SLC9A3: variants seen among roughly 807,000 people sequenced by gnomAD.
SLC9A3 encodes solute carrier family 9 member A3.
SLC9A3 carries 37 observed loss-of-function variants against 86.8 expected under a neutral mutation model. The observed-to-expected ratio is 0.43, with a 90% CI of 0.33 to 0.56. The LOEUF (loss-of-function observed/expected upper bound fraction) is 0.56, where lower values mean the gene tolerates loss of function less well. Ranked by LOEUF, SLC9A3 falls within the 20% of genes least tolerant of loss-of-function variation. The pLI is 0.06. For missense variants in SLC9A3, 1,011 were observed against 1,171.9 expected (o/e 0.86, Z 2.00); for synonymous variants, 581 against 528.3 (o/e 1.10, Z -1.37).
intron 1 of SLC9A3, among the ~76,000 whole-genome samples, chr5:517,283 A>C (rs1002628546): frequency 6.6e-6 from 1 of 151,006 alleles, no homozygotes; most frequent in African/African-American, 2.4e-5. Flanking sequence ...CCATTCACTC[A>C]TCCACCTATC....
intron 1 of SLC9A3, among the ~76,000 whole-genome samples, chr5:511,599 G>A (rs1184151392): frequency 2.6e-5 from 4 of 152,360 alleles, no homozygotes; most frequent in Admixed American, 2.0e-4. Flanking sequence ...ACACCACCAC[G>A]TACCCGTCAG....
rs1379963770 is a variant in SLC9A3 at position 471,892 on chromosome 5, A to C, written c.*1487T>G. The stretch of plus-strand genomic sequence containing the variant: ...TTTTCCCACCAGGGACTCAATGGGG[A>C]CTCAATGTGCAATATTCAGTCAACA... On this transcript the variant is annotated 3_prime_UTR_variant, in exon 17 of 17. Coordinates refer to ENST00000264938, the MANE Select transcript of SLC9A3 (RefSeq NM_004174.4). 1 of 456,468 alleles carries C rather than the reference A, an allele frequency of 2.2e-6. No individual in the cohort carries two copies. The highest frequency in any genetic ancestry group is 2.0e-5 in the African/African-American group (1 of 50,054). 28.3% of individuals were successfully genotyped at this position (456,468 alleles called of 1,614,324 possible). A position where few individuals can be genotyped will look rare whatever the true frequency, so the allele number is the denominator to read the frequency against.
rs1329434431 is a variant in SLC9A3, at chr5:496,498, T to C, written c.212-4427A>G. Among the ~76,000 whole-genome samples the C allele has an allele frequency of 6.6e-6, 1 of 152,254 alleles. No individual in the cohort carries two copies. The highest frequency in any genetic ancestry group is 2.4e-5 in the African/African-American group (1 of 41,460). ...ATCCTTTCCTATTGACACGAGGTTC[T>C]TCGTAAGCTGGAAAATCCAGCCTTT... On this transcript the variant is annotated intron_variant, in intron 1 of 16. Transcript: ENST00000264938. The surrounding 1 kb of genome is among the most constrained non-coding windows in gnomAD (Gnocchi z 4.7).
intron 3 of SLC9A3, among the ~76,000 whole-genome samples, chr5:487,957 C>T (rs565245194): frequency 2.0e-4 from 30 of 152,210 alleles, no homozygotes; most frequent in African/African-American, 7.0e-4. Context: ...CGTGAGCCAC[C>T]GCACCCGGCC....
chr5:522,688 G>C (rs1028844750), intron 1 of SLC9A3, among the ~76,000 whole-genome samples: 2 of 148,978 alleles, frequency 1.3e-5, no homozygotes, highest in African/African-American at 5.0e-5. Flanking sequence ...GCAGTGAGCC[G>C]AGATCGCGTC....
At chr5:480,394 A>G (rs2241597) in intron 9 of SLC9A3, 138,187 of 159,004 alleles carry the variant, frequency 0.87, 60,498 homozygotes, top group African/African-American at 0.91. Flanking sequence ...CTGGTTATCC[A>G]GATCAGAAGG....
intron 1 of SLC9A3, among the ~76,000 whole-genome samples, chr5:499,558 A>T (rs12652789): frequency 1.3e-5 from 2 of 152,142 alleles, no homozygotes; most frequent in Admixed American, 6.5e-5. Context: ...CTTGGGTTCC[A>T]GGGTCCCTGT....
Position 476,392 on chromosome 5 carries a change from C to T in SLC9A3, c.1891-14G>A. Reference sequence around the variant, plus strand: ...CAGATGCTTGTACTGCGGGATCAGGCACGGAGGTCACAGCTGTGCCCACCG... The same window carrying T: ...CAGATGCTTGTACTGCGGGATCAGGTACGGAGGTCACAGCTGTGCCCACCG... On this transcript the variant is annotated splice_polypyrimidine_tract_variant and intron_variant, in intron 12 of 16. Transcript: ENST00000264938. 1 of 1,613,258 alleles carries T rather than the reference C, an allele frequency of 6.2e-7. No individual in the cohort carries two copies. The highest frequency in any genetic ancestry group is 8.5e-7 in the Non-Finnish European group (1 of 1,179,896).
At chr5:482,807 C>G (rs984211076) in intron 6 of SLC9A3, 57 bp from the exon 7 acceptor site, 4 of 1,406,292 alleles carry the variant, frequency 2.8e-6, no homozygotes, top group Admixed American at 4.0e-5. Flanking sequence ...CCGCGGGACC[C>G]CAGCCCCTCC....
At position 483,449 on chromosome 5, in the gene SLC9A3, A is replaced by G. The variant is rs56098739; in HGVS notation, c.966T>C (p.Tyr322=). 0.23 allele frequency: 364,251 copies of G among 1,583,588 alleles called. 46,423 individuals are homozygous for G. The highest frequency in any genetic ancestry group is 0.26 in the Non-Finnish European group (301,925 of 1,164,820). The change falls in exon 6 of 17, where the codon TAT becomes TAC. Residue 322 remains tyrosine, a synonymous_variant. Transcript: ENST00000264938. Reference sequence around the variant, plus strand: ...ACTGCTCCGAGATGTTGGCCTTCACATACTTCTGACAGCAGATGCCACAGA... The same window carrying G: ...ACTGCTCCGAGATGTTGGCCTTCACGTACTTCTGACAGCAGATGCCACAGA... ...ITFCGICCQK[Y]VKANISEQSA...
intron 3 of SLC9A3, 71 bp downstream of exon 3, chr5:488,245 C>T (rs139559925): frequency 1.7e-5 from 27 of 1,545,434 alleles, no homozygotes; most frequent in Middle Eastern, 1.7e-4. Flanking sequence ...GCTGACTGAC[C>T]GATGGGGGGT....
intron 9 of SLC9A3, chr5:480,837 T>TAA (rs1553995335): frequency 2.6e-5 from 4 of 152,412 alleles, no homozygotes; most frequent in African/African-American, 9.6e-5. Context: ...GGGTTTATTA[T>TAA]AAGTGTCACA....
intron 15 of SLC9A3, 136 bp from the exon 16 acceptor site, chr5:475,268 G>T: frequency 5.7e-6 from 5 of 879,614 alleles, no homozygotes; most frequent in Non-Finnish European, 1.7e-6. Context: ...TGCCTTTCAG[G>T]TTGCGGGCCC....
rs1740059152 is a variant in SLC9A3 at position 497,196 on chromosome 5, G to C, written c.212-5125C>G. ...ATCCCCGAGCCTGGAAGTGGATCTG[G>C]GTGGCACTGGTGGGTGCTCCCGGTG... On this transcript the variant is annotated intron_variant, in intron 1 of 16. Coordinates refer to ENST00000264938, the MANE Select transcript of SLC9A3 (RefSeq NM_004174.4). The surrounding 1 kb of genome is among the most constrained non-coding windows in gnomAD (Gnocchi z 5.4). 6.6e-6 allele frequency among the ~76,000 whole-genome samples: 1 copy of C among 152,174 alleles called. No homozygotes were observed. Among genetic ancestry groups the C allele is most frequent in the Admixed American group, 6.5e-5 (1 of 15,288 alleles).
intron 1 of SLC9A3, among the ~76,000 whole-genome samples, chr5:507,665 TC>T (rs1740664571): frequency 1.8e-5 from 1 of 55,388 alleles, no homozygotes; most frequent in Admixed American, 2.1e-4. Flanking sequence ...GACACCCGAA[TC>T]CCCACAGACG....
intron 1 of SLC9A3, among the ~76,000 whole-genome samples, chr5:508,683 G>A (rs1740732300): frequency 6.6e-6 from 1 of 152,232 alleles, no homozygotes; most frequent in Non-Finnish European, 1.5e-5. Context: ...ATGCCGCAGG[G>A]AGACGCAGGC....
intron 1 of SLC9A3, among the ~76,000 whole-genome samples, chr5:512,319 T>TAAA (rs1733578551): frequency 7.1e-6 from 1 of 141,326 alleles, no homozygotes; most frequent in Non-Finnish European, 1.5e-5. Flanking sequence ...TAATTAATAA[T>TAAA]GTATCAAGAA....
chr5:475,457 C>T, intron 15 of SLC9A3, 104 bp downstream of exon 15: 1 of 722,436 alleles, frequency 1.4e-6, no homozygotes, highest in Non-Finnish European at 2.4e-6. Flanking sequence ...ACAGGAGACC[C>T]CACCCCCCCA....
At chr5:482,299 C>T (rs12188162) in intron 7 of SLC9A3, 142 bp from the exon 8 acceptor site, 2 of 711,346 alleles carry the variant, frequency 2.8e-6, no homozygotes, top group South Asian at 1.8e-5. Context: ...ACCCGCGCCC[C>T]TGCTTTGCAG....
Sources: allele counts gnomAD v4.1 joint callset (sites outside exome capture counted in the v4.1 genomes callset), GRCh38; gene constraint gnomAD v4.1.1; non-coding constraint Gnocchi (gnomAD v3.1); transcripts MANE v1.5; gene names NCBI Gene and HGNC (gene_info 2026-07-23, HGNC 2026-07-21).